Variants in PKP4 observed in about 807,000 individuals in gnomAD.
PKP4 encodes plakophilin 4, also known as plakophilin-4.
Under a neutral mutation model 145.1 loss-of-function variants are expected in PKP4, and 90 were observed. The observed-to-expected ratio is 0.62, with a 90% confidence interval of 0.52 to 0.74. The LOEUF (loss-of-function observed/expected upper bound fraction) is 0.74, where lower values mean the gene tolerates loss of function less well. Among genes scored for constraint, PKP4 ranks in the 30% least tolerant of loss-of-function variants. The pLI, the probability that PKP4 is intolerant of heterozygous loss-of-function variation, is 0.00. For missense variants in PKP4, 1,340 were observed against 1,482.7 expected, an observed-to-expected ratio of 0.90 and a Z score of 1.58; for synonymous variants, 563 against 577.2, an observed-to-expected ratio of 0.98 and a Z score of 0.35.
intron 19 of PKP4, among the ~76,000 whole-genome samples, chr2:158,676,131 C>G (rs1356425546): frequency 6.6e-6 from 1 of 152,270 alleles, no homozygotes; most frequent in African/African-American, 2.4e-5. Flanking sequence ...TGTGCGCTTC[C>G]TAATGAGCCA....
chr2:158,572,031 G>A (rs7574461), intron 2 of PKP4, among the ~76,000 whole-genome samples: 113,523 of 152,076 alleles, frequency 0.75, 43,190 homozygotes, highest in East Asian at 0.92. Context: ...AGAACTGAGT[G>A]ACTTGGGAGT....
chr2:158,540,136 G>A (rs1367338649), intron 2 of PKP4, among the ~76,000 whole-genome samples: 1 of 152,182 alleles, frequency 6.6e-6, no homozygotes, highest in Non-Finnish European at 1.5e-5. Flanking sequence ...AGATGGAACT[G>A]CTAGCAAAGC....
At chr2:158,562,520 TG>T (rs1453199688) in intron 2 of PKP4, among the ~76,000 whole-genome samples, 1 of 152,148 alleles carries the variant, frequency 6.6e-6, no homozygotes, top group East Asian at 1.9e-4. Context: ...TTTTTCAGTT[TG>T]GGATGATGAA....
At chr2:158,528,617 C>A in intron 1 of PKP4, among the ~76,000 whole-genome samples, 1 of 126,372 alleles carries the variant, frequency 7.9e-6, no homozygotes, top group Admixed American at 9.0e-5. Context: ...GCACATGTAC[C>A]CTAGAACTTA....
intron 1 of PKP4, among the ~76,000 whole-genome samples, chr2:158,518,782 T>C (rs753891688): frequency 1.3e-5 from 2 of 152,258 alleles, no homozygotes; most frequent in Non-Finnish European, 2.9e-5. Flanking sequence ...TATTTTGCCT[T>C]CATATTTGAA....
chr2:158,476,927 A>G (rs562837680), intron 1 of PKP4, among the ~76,000 whole-genome samples: 7 of 152,294 alleles, frequency 4.6e-5, no homozygotes, highest in African/African-American at 1.2e-4. Context: ...AATAATCATC[A>G]TATTCTTACT....
At chr2:158,677,370 G>T in intron 20 of PKP4, 1 of 156,122 alleles carries the variant, frequency 6.4e-6, no homozygotes, top group East Asian at 1.4e-4. Flanking sequence ...TTCTCAACGT[G>T]ATTATTTTTT....
intron 1 of PKP4, among the ~76,000 whole-genome samples, chr2:158,465,027 C>CA (rs1195871780): frequency 6.6e-6 from 1 of 152,104 alleles, no homozygotes; most frequent in Non-Finnish European, 1.5e-5. Context: ...GCCTTATGGC[C>CA]AAAAAGATGA....
chr2:158,461,047 C>G (rs902681821), intron 1 of PKP4, among the ~76,000 whole-genome samples: 2 of 152,246 alleles, frequency 1.3e-5, no homozygotes, highest in South Asian at 2.1e-4. Context: ...CAGGTCAGTT[C>G]GATGCTCAGT....
At chr2:158,636,694 A>C (rs1205180250) in intron 9 of PKP4, among the ~76,000 whole-genome samples, 2 of 152,034 alleles carry the variant, frequency 1.3e-5, no homozygotes, top group Non-Finnish European at 2.9e-5. Flanking sequence ...ATCTGTCTTC[A>C]TTTTTTAAAT....
intron 11 of PKP4, among the ~76,000 whole-genome samples, chr2:158,648,275 C>T (rs1173084920): frequency 6.6e-6 from 1 of 152,158 alleles, no homozygotes; most frequent in Non-Finnish European, 1.5e-5. Context: ...CCAGACACTG[C>T]AGAACATGAA....
At chr2:158,500,406 A>G (rs1696377309) in intron 1 of PKP4, among the ~76,000 whole-genome samples, 1 of 152,262 alleles carries the variant, frequency 6.6e-6, no homozygotes, top group Admixed American at 6.5e-5. Context: ...CATGTATAAT[A>G]GCAAAAAATA....
At chr2:158,495,908 C>A (rs1695642661) in intron 1 of PKP4, among the ~76,000 whole-genome samples, 1 of 151,350 alleles carries the variant, frequency 6.6e-6, no homozygotes, top group Admixed American at 6.6e-5. Flanking sequence ...ATATTTTTAA[C>A]CTTTCATTAT....
At chr2:158,522,995 C>A (rs61152259) in intron 1 of PKP4, among the ~76,000 whole-genome samples, 145 of 152,082 alleles carry the variant, frequency 9.5e-4, no homozygotes, top group Non-Finnish European at 1.7e-3. Context: ...CACGGAATCT[C>A]GCTGATTGCT....
intron 1 of PKP4, among the ~76,000 whole-genome samples, chr2:158,508,751 C>T (rs887313819): frequency 4.6e-5 from 7 of 152,140 alleles, no homozygotes; most frequent in Admixed American, 2.6e-4. Context: ...CATTCTTCTG[C>T]GTAAACAGAT....
intron 11 of PKP4, among the ~76,000 whole-genome samples, chr2:158,654,162 T>C (rs2055670704): frequency 6.6e-6 from 1 of 152,234 alleles, no homozygotes; most frequent in Non-Finnish European, 1.5e-5. Flanking sequence ...CCAGTCAAAA[T>C]GGTGAGTTAA....
intron 9 of PKP4, among the ~76,000 whole-genome samples, chr2:158,639,347 CGT>C (rs1333302833): frequency 2.7e-5 from 4 of 146,996 alleles, no homozygotes; most frequent in Non-Finnish European, 3.1e-5. Context: ...TGTGTGCGTG[CGT>C]GTGTGTTTGC....
At chr2:158,475,178 A>G (rs1354677122) in intron 1 of PKP4, among the ~76,000 whole-genome samples, 1 of 152,210 alleles carries the variant, frequency 6.6e-6, no homozygotes, top group East Asian at 1.9e-4. Context: ...AGATACTTTT[A>G]TAGCTGTCTT....
At chr2:158,499,332 C>T (rs1206548031) in intron 1 of PKP4, among the ~76,000 whole-genome samples, 1 of 152,068 alleles carries the variant, frequency 6.6e-6, no homozygotes, top group Non-Finnish European at 1.5e-5. Flanking sequence ...ACCCTGAACC[C>T]AGAGCAGTCC....
Sources: allele counts gnomAD v4.1 joint callset (sites outside exome capture counted in the v4.1 genomes callset), GRCh38; gene constraint gnomAD v4.1.1; transcripts MANE v1.5; gene names NCBI Gene and HGNC (gene_info 2026-07-23, HGNC 2026-07-21).